The following COL11A2 variants were observed in gnomAD, a reference collection of about 807,000 sequenced individuals.
COL11A2 encodes collagen alpha-2(XI) chain.
A neutral mutation model predicts 273.4 loss-of-function variants in COL11A2; 116 were observed. The ratio of observed to expected loss-of-function variants is 0.42; its 90% CI spans 0.36 to 0.49. COL11A2 has a LOEUF of 0.49. COL11A2 is among the 20% of genes least tolerant of loss of function. The probability of loss-of-function intolerance (pLI) is 0.00; values close to 1 mark genes in which losing one functional copy is unlikely to be tolerated. For synonymous variants in COL11A2, 782 were observed against 864.2 expected, an observed-to-expected ratio of 0.90 and a Z score of 1.67; for missense variants, 1,866 against 2,309.0, an observed-to-expected ratio of 0.81 and a Z score of 3.93.
chr6:33,178,440 C>T lies in COL11A2; in HGVS notation c.1768G>A (p.Glu590Lys), dbSNP rs1255337025. Residue 590 changes from glutamate (E) to lysine (K), a missense_variant, in exon 19 of 66, where the codon GAG becomes AAG. By Grantham distance (56) the Glu-to-Lys change is moderately conservative (BLOSUM62 1). Coordinates refer to ENST00000341947, the MANE Select transcript of COL11A2 (RefSeq NM_080680.3). This position sits in a 1 kb window ranked among gnomAD's most constrained non-coding sequence, Gnocchi z 4.6. Reference sequence around the variant, plus strand: ...ACATTTGCCACTACACTTACCCTCTCTCCATCCTCACCAGGGGGACCAGGA... The same window carrying T: ...ACATTTGCCACTACACTTACCCTCTTTCCATCCTCACCAGGGGGACCAGGA... ...GLPGPPGEDG[E>K]RGDDGEIGPR... 1 of 1,613,004 alleles carries T rather than the reference C, an allele frequency of 6.2e-7. No individual in the cohort carries two copies. Among genetic ancestry groups the T allele is most frequent in the East Asian group, 2.2e-5 (1 of 44,866 alleles).
chr6:33,175,908 TG>T (rs1770827812), intron 29 of COL11A2, 107 bp downstream of exon 29: 1 of 1,388,630 alleles, frequency 7.2e-7, no homozygotes, highest in Admixed American at 1.7e-5. Context: ...AACACAGCAC[TG>T]GAACTGTGGA....
In COL11A2 at chr6:33,190,000, G is replaced by A. The variant is rs575948514; in HGVS notation, c.83-531C>T. On this transcript the variant is annotated intron_variant, in intron 1 of 65. Coordinates refer to ENST00000341947, the MANE Select transcript of COL11A2 (RefSeq NM_080680.3). The surrounding 1 kb of genome is among the most constrained non-coding windows in gnomAD (Gnocchi z 5.6). ...CAGCACAAACAACATCTGGGCAATC[G>A]ATCATCCTGGACACAGGAGGTGCAG... 1.3e-5 allele frequency among the ~76,000 whole-genome samples: 2 copies of A among 152,064 alleles called. No individual in the cohort carries two copies. The highest frequency in any genetic ancestry group is 2.9e-5 in the Non-Finnish European group (2 of 68,024).
Position 33,179,553 on chromosome 6 carries a change from C to G in COL11A2, c.1447-66G>C, listed in dbSNP as rs1324287378. The G allele has an allele frequency of 7.8e-5, 115 of 1,477,018 alleles. No homozygotes were observed. The highest frequency in any genetic ancestry group is 1.0e-4 in the Non-Finnish European group (108 of 1,080,128). 91.5% of individuals were successfully genotyped at this position (1,477,018 alleles called of 1,614,324 possible). On this transcript the variant is annotated intron_variant, in intron 13 of 65. Transcript: ENST00000341947. This position sits in a 1 kb window ranked among gnomAD's most constrained non-coding sequence, Gnocchi z 6.4. Reference sequence around the variant, plus strand: ...TGGGAACCCCCAGCCCCAGCACTCTCCAAATTCACCCTTCCTCTCCTGATC... The same window carrying G: ...TGGGAACCCCCAGCCCCAGCACTCTGCAAATTCACCCTTCCTCTCCTGATC...
chr6:33,170,758 A>T lies in COL11A2; in HGVS notation c.3474+52T>A. 1.3e-6 allele frequency: 2 copies of T among 1,593,614 alleles called. No homozygotes were observed. Among genetic ancestry groups the T allele is most frequent in the Non-Finnish European group, 1.7e-6 (2 of 1,162,968 alleles). ...CTGCTGGCAGAGTCTGGGGCAAAAC[A>T]TCACCCCATCCTGACCCCACCTCTC... On this transcript the variant is annotated intron_variant, in intron 46 of 65. Coordinates refer to ENST00000341947, the MANE Select transcript of COL11A2 (RefSeq NM_080680.3). This position sits in a 1 kb window ranked among gnomAD's most constrained non-coding sequence, Gnocchi z 4.3.
chr6:33,186,717 G>A lies in COL11A2; in HGVS notation c.708C>T (p.Pro236=), dbSNP rs145591802. ...LECEGGQRER[P]QNQQPHRAQR... ...GGGCTCTGTGAGGCTGTTGGTTTTGGGGTCTTTCCCTCTGGCCCCCCTCGC... is the reference window on the plus strand; with the variant it reads ...GGGCTCTGTGAGGCTGTTGGTTTTGAGGTCTTTCCCTCTGGCCCCCCTCGC... The change falls in exon 5 of 66, where the codon CCC becomes CCT. Residue 236 remains proline (P), a synonymous_variant. Coordinates refer to ENST00000341947, the MANE Select transcript of COL11A2 (RefSeq NM_080680.3). The A allele has an allele frequency of 5.0e-6, 8 of 1,613,882 alleles. No individual in the cohort carries two copies. The African/African-American group carries it at 9.4e-5, about 19-fold the overall frequency.
Position 33,167,585 on chromosome 6 carries a change from G to T in COL11A2, c.4015-52C>A. On this transcript the variant is annotated intron_variant, in intron 55 of 65. Coordinates refer to ENST00000341947, the MANE Select transcript of COL11A2 (RefSeq NM_080680.3). The surrounding 1 kb of genome is among the most constrained non-coding windows in gnomAD (Gnocchi z 6.1). Reference sequence around the variant, plus strand: ...TGAATGGCAGAGGAGTGGGGTGTGGGCAGGGGGCAGAGGGTCCAAGGTGGG... The same window carrying T: ...TGAATGGCAGAGGAGTGGGGTGTGGTCAGGGGGCAGAGGGTCCAAGGTGGG... The T allele has an allele frequency of 6.3e-7, 1 of 1,596,686 alleles. No individual in the cohort carries two copies. The highest frequency in any genetic ancestry group is 1.7e-5 in the Admixed American group (1 of 59,004).
chr6:33,184,103 C>T, intron 8 of COL11A2, 42 bp downstream of exon 8: 1 of 1,360,542 alleles, frequency 7.4e-7, no homozygotes, highest in Non-Finnish European at 9.8e-7. Context: ...CTTGTAGCTC[C>T]CACTGGTAGT....
chr6:33,180,797 TGAG>T (rs1438971148), intron 10 of COL11A2, 67 bp from the exon 11 acceptor site: 4 of 1,579,990 alleles, frequency 2.5e-6, no homozygotes, highest in Non-Finnish European at 3.5e-6. Flanking sequence ...AGCCTGTGGC[TGAG>T]GAGTGGTCTG....
In COL11A2 at chr6:33,190,102, G is replaced by T; in HGVS notation, c.83-633C>A. On this transcript the variant is annotated intron_variant, in intron 1 of 65. Coordinates refer to ENST00000341947, the MANE Select transcript of COL11A2 (RefSeq NM_080680.3). This position sits in a 1 kb window ranked among gnomAD's most constrained non-coding sequence, Gnocchi z 4.5. The stretch of plus-strand genomic sequence containing the variant: ...GCAGCTACAGATCCCAGGTTTGGGG[G>T]ATGGGGTGGGAACAACCCTGAGCAT... Among the ~76,000 whole-genome samples the T allele has an allele frequency of 6.6e-6, 1 of 152,100 alleles. No homozygotes were observed. Among genetic ancestry groups the T allele is most frequent in the East Asian group, 1.9e-4 (1 of 5,182 alleles).
At chr6:33,175,499 C>T (rs1000260021) in intron 30 of COL11A2, 75 bp downstream of exon 30, 17 of 1,222,624 alleles carry the variant, frequency 1.4e-5, no homozygotes, top group Middle Eastern at 3.7e-4. Flanking sequence ...ACTTCAGCGG[C>T]GGGCACCCAT....
In COL11A2 at chr6:33,177,062, A is replaced by G; in HGVS notation, c.2017-17T>C. ...TTGAGGACCCTGCAGGAAGACAAAG[A>G]GGCTCAGGGTCACTAGAGGGGTCAT... On this transcript the variant is annotated splice_polypyrimidine_tract_variant and intron_variant, in intron 24 of 65. Transcript: ENST00000341947. This position sits in a 1 kb window ranked among gnomAD's most constrained non-coding sequence, Gnocchi z 5.9. 6 of 1,612,560 alleles carry G rather than the reference A, an allele frequency of 3.7e-6. No individual in the cohort carries two copies. The highest frequency in any genetic ancestry group is 5.1e-6 in the Non-Finnish European group (6 of 1,179,820).
chr6:33,185,421 G>A (rs1421025150), intron 6 of COL11A2, among the ~76,000 whole-genome samples: 1 of 152,178 alleles, frequency 6.6e-6, no homozygotes, highest in African/African-American at 2.4e-5. Flanking sequence ...CTCCGGCCTG[G>A]TGAGGGGGAC....
In COL11A2 at chr6:33,173,719, A is replaced by C; in HGVS notation, c.2610T>G (p.His870Gln). The C allele has an allele frequency of 6.3e-7, 1 of 1,578,466 alleles. No individual in the cohort carries two copies. The highest frequency in any genetic ancestry group is 8.6e-7 in the Non-Finnish European group (1 of 1,160,804). Reference sequence around the variant, plus strand: ...CACTCACCCTCTCTCCAGGGGGCCCATGGGGGCCATCACCACCAGATGTTC... The same window carrying C: ...CACTCACCCTCTCTCCAGGGGGCCCCTGGGGGCCATCACCACCAGATGTTC... ...AKGTSGGDGPHGPPGERGLPG... is the reference protein window; with the variant it reads ...AKGTSGGDGPQGPPGERGLPG... Residue 870 changes from histidine to glutamine, a missense_variant, in exon 35 of 66, where the codon CAT (histidine) becomes CAG (glutamine). His to Gln is a conservative substitution (Grantham distance 24). Transcript: ENST00000341947. The surrounding 1 kb of genome is among the most constrained non-coding windows in gnomAD (Gnocchi z 6.3).
At position 33,165,044 on chromosome 6, in the gene COL11A2, C is replaced by T; in HGVS notation, c.4751-80G>A. 4 of 995,720 alleles carry T rather than the reference C, an allele frequency of 4.0e-6. No homozygotes were observed. The East Asian group carries it at 7.9e-5, about 20-fold the overall frequency. 61.7% of individuals were successfully genotyped at this position (995,720 alleles called of 1,614,324 possible). A position where few individuals can be genotyped will look rare whatever the true frequency, so the allele number is the denominator to read the frequency against. On this transcript the variant is annotated intron_variant, in intron 63 of 65. Coordinates refer to ENST00000341947, the MANE Select transcript of COL11A2 (RefSeq NM_080680.3). This position sits in a 1 kb window ranked among gnomAD's most constrained non-coding sequence, Gnocchi z 7.7. ...GCTCTTTGCCCCCACATTCCCTCTT[C>T]CCTCCCAGCCCTCCCCATCATGCTC...
rs1462458544 is a variant in COL11A2 at position 33,185,045 on chromosome 6, G to T, written c.886C>A (p.Pro296Thr). 2 of 1,551,136 alleles carry T rather than the reference G, an allele frequency of 1.3e-6. No individual in the cohort carries two copies. The highest frequency in any genetic ancestry group is 1.7e-6 in the Non-Finnish European group (2 of 1,146,666). ...GTTPDYQDPTPGEEEEILESS... is the reference protein window; with the variant it reads ...GTTPDYQDPTTGEEEEILESS... ...TCCAGGATTTCTTCCTCTTCACCTGGGGTGGGGTCCTGACCCCAAGGAGAG... is the reference window on the plus strand; with the variant it reads ...TCCAGGATTTCTTCCTCTTCACCTGTGGTGGGGTCCTGACCCCAAGGAGAG... Residue 296 changes from proline (P) to threonine (T), a missense_variant, in exon 7 of 66, where the codon CCA (proline) becomes ACA (threonine). Transcript: ENST00000341947.
In COL11A2 at chr6:33,177,972, C is replaced by T. The variant is rs1771157823; in HGVS notation, c.1872+160G>A. On this transcript the variant is annotated intron_variant, in intron 21 of 65. Transcript: ENST00000341947. This position sits in a 1 kb window ranked among gnomAD's most constrained non-coding sequence, Gnocchi z 5.9. Reference sequence around the variant, plus strand: ...CATGGCCCTCCCTGTGCACGGGGAGCGAATGCTGAGGCAGGGCAGTGTGGG... The same window carrying T: ...CATGGCCCTCCCTGTGCACGGGGAGTGAATGCTGAGGCAGGGCAGTGTGGG... 4.7e-6 allele frequency: 4 copies of T among 852,710 alleles called. No individual in the cohort carries two copies. The highest frequency in any genetic ancestry group is 1.7e-5 in the South Asian group (1 of 60,106). 52.8% of individuals were successfully genotyped at this position (852,710 alleles called of 1,614,324 possible).
chr6:33,188,876 C>A (rs1255627061), intron 3 of COL11A2, 102 bp downstream of exon 3: 9 of 1,353,092 alleles, frequency 6.7e-6, no homozygotes, highest in Non-Finnish European at 7.4e-6. Flanking sequence ...TGTGGTGTGG[C>A]CCAAAGGGTC....
chr6:33,174,469 AGGGAAGCGAAGAG>A, intron 31 of COL11A2, 45 bp downstream of exon 31: 2 of 1,593,190 alleles, frequency 1.3e-6, no homozygotes, highest in Non-Finnish European at 1.7e-6. Context: ...ATCAGGGATC[AGGGAAGCGAAGAG>A]GAGGAGGGAA....
In COL11A2 at chr6:33,174,540, C is replaced by T. The variant is rs200552277; in HGVS notation, c.2417G>A (p.Arg806His). ...GCATGGCATCACCTTGGGTCCCTGA[C>T]GTCCAGGATAGCCAGGCAGACCAGG... is the stretch of plus-strand genomic sequence containing the variant. Reference protein sequence around the residue: ...GVPGLPGYPGRQGPKGSLGFP... With the variant: ...GVPGLPGYPGHQGPKGSLGFP... Residue 806 changes from arginine to histidine, a missense_variant, in exon 31 of 66, where the codon CGT becomes CAT. Physicochemically the swap from Arg to His is conservative, Grantham distance 29. Coordinates refer to ENST00000341947, the MANE Select transcript of COL11A2 (RefSeq NM_080680.3). 7.2e-5 allele frequency: 116 copies of T among 1,612,478 alleles called. No individual in the cohort carries two copies. The highest frequency in any genetic ancestry group is 8.5e-5 in the Non-Finnish European group (100 of 1,179,926).
Sources: allele counts gnomAD v4.1 joint callset (sites outside exome capture counted in the v4.1 genomes callset), GRCh38; gene constraint gnomAD v4.1.1; non-coding constraint Gnocchi (gnomAD v3.1); transcripts MANE v1.5; gene names NCBI Gene and HGNC (gene_info 2026-07-23, HGNC 2026-07-21).